PACSIN2: variants seen among roughly 807,000 people sequenced by gnomAD.
The protein encoded by PACSIN2 is protein kinase C and casein kinase substrate in neurons protein 2.
PACSIN2 carries 25 observed loss-of-function variants against 63.8 expected under a neutral mutation model. That is an observed-to-expected ratio of 0.39 (90% CI 0.29 to 0.55). PACSIN2 has a LOEUF of 0.55. Ranked by LOEUF, PACSIN2 falls within the 20% of genes least tolerant of loss-of-function variation. PACSIN2 has a pLI of 0.62. For missense variants in PACSIN2, 518 were observed against 646.9 expected (o/e 0.80, Z 2.16); for synonymous variants, 255 against 256.2 (o/e 1.00, Z 0.05).
chr22:42,912,415 T>A (rs1931521855), intron 1 of PACSIN2, among the ~76,000 whole-genome samples: 1 of 152,194 alleles, frequency 6.6e-6, no homozygotes, highest in African/African-American at 2.4e-5. Flanking sequence ...ATCTCTGGGC[T>A]TGCCCATCCC....
At chr22:42,892,957 T>G (rs560660118) in intron 3 of PACSIN2, among the ~76,000 whole-genome samples, 1 of 152,342 alleles carries the variant, frequency 6.6e-6, no homozygotes, top group South Asian at 2.1e-4. Context: ...CTACAGAATC[T>G]TCTGAGCTTT....
chr22:43,000,910 A>G (rs914299164), intron 1 of PACSIN2, among the ~76,000 whole-genome samples: 5 of 152,182 alleles, frequency 3.3e-5, no homozygotes, highest in African/African-American at 1.2e-4. Flanking sequence ...CCTCTGGAGT[A>G]CTGGAAGGCC....
intron 2 of PACSIN2, among the ~76,000 whole-genome samples, chr22:42,893,955 C>G (rs1300319117): frequency 1.3e-5 from 2 of 152,054 alleles, no homozygotes; most frequent in East Asian, 1.9e-4. Context: ...GACTGAGGGG[C>G]TGGGGCTGGC....
chr22:43,006,614 A>C (rs1356379620), intron 1 of PACSIN2, among the ~76,000 whole-genome samples: 1 of 152,208 alleles, frequency 6.6e-6, no homozygotes, highest in Non-Finnish European at 1.5e-5. Flanking sequence ...CAGGAGTTTG[A>C]GACCAGCCTG....
At chr22:42,943,109 T>C (rs932491396) in intron 1 of PACSIN2, among the ~76,000 whole-genome samples, 1 of 152,208 alleles carries the variant, frequency 6.6e-6, no homozygotes, top group African/African-American at 2.4e-5. Flanking sequence ...AGTCTTACAC[T>C]TCTCTTCATA....
chr22:43,009,930 C>T (rs1924356548), intron 1 of PACSIN2, among the ~76,000 whole-genome samples: 1 of 142,624 alleles, frequency 7.0e-6, no homozygotes, highest in Non-Finnish European at 1.5e-5. Context: ...AGTGCAGTGG[C>T]ACAATCTCGG....
intron 1 of PACSIN2, among the ~76,000 whole-genome samples, chr22:42,916,293 G>C (rs1466518862): frequency 1.3e-5 from 2 of 152,018 alleles, no homozygotes; most frequent in Admixed American, 1.3e-4. Flanking sequence ...CAGGTAAAGG[G>C]GAGGACCTGG....
intron 1 of PACSIN2, among the ~76,000 whole-genome samples, chr22:42,997,770 G>A (rs540333522): frequency 4.8e-4 from 73 of 151,702 alleles, no homozygotes; most frequent in East Asian, 1.6e-3. Flanking sequence ...TACTTCACTC[G>A]GGAGGCAGAG....
At chr22:42,942,100 CTT>C (rs11404921) in intron 1 of PACSIN2, among the ~76,000 whole-genome samples, 10 of 132,152 alleles carry the variant, frequency 7.6e-5, no homozygotes, top group Admixed American at 7.6e-5. Context: ...TTTAAGAGTT[CTT>C]TTTTTTTTTT....
chr22:42,881,627 C>G (rs1349977015), intron 7 of PACSIN2, among the ~76,000 whole-genome samples: 1 of 152,196 alleles, frequency 6.6e-6, no homozygotes, highest in East Asian at 1.9e-4. Flanking sequence ...GATCCCCAGG[C>G]CCTTGCATTT....
At chr22:42,986,556 C>T (rs1021118953) in intron 1 of PACSIN2, among the ~76,000 whole-genome samples, 12 of 152,118 alleles carry the variant, frequency 7.9e-5, no homozygotes, top group African/African-American at 2.7e-4. Context: ...GGGCCCTGCA[C>T]GCTGCTGAGT....
At chr22:42,958,567 G>A (rs1043419230) in intron 1 of PACSIN2, among the ~76,000 whole-genome samples, 3 of 152,160 alleles carry the variant, frequency 2.0e-5, no homozygotes, top group African/African-American at 7.2e-5. Context: ...TGACAAGAAG[G>A]AAGGGATCTG....
chr22:43,014,360 ACACACCACCCCCCCC>A (rs1429327533), intron 1 of PACSIN2, among the ~76,000 whole-genome samples: 12 of 15,100 alleles, frequency 7.9e-4, no homozygotes, highest in African/African-American at 5.0e-3. Context: ...ACAGACACAC[ACACACCACCCCCCCC>A]CCCCCGGGAC....
Position 43,015,144 on chromosome 22 carries a change from G to T in PACSIN2, c.-201C>A, listed in dbSNP as rs1924810574. On this transcript the variant is annotated 5_prime_UTR_variant, in exon 1 of 11. Coordinates refer to ENST00000263246, the MANE Select transcript of PACSIN2 (RefSeq NM_001184970.3). ...CAGCCCTGCCCAGACCCCTGCGGCCGCTTCTGCCGCCAGCCGCGACCGCAC... is the reference window on the plus strand; with the variant it reads ...CAGCCCTGCCCAGACCCCTGCGGCCTCTTCTGCCGCCAGCCGCGACCGCAC... The T allele has an allele frequency of 6.6e-6, 1 of 152,322 alleles. No homozygotes were observed. Among genetic ancestry groups the T allele is most frequent in the Non-Finnish European group, 1.5e-5 (1 of 68,422 alleles). 9.4% of individuals were successfully genotyped at this position (152,322 alleles called of 1,614,324 possible). A position where few individuals can be genotyped will look rare whatever the true frequency, so the allele number is the denominator to read the frequency against.
chr22:42,979,303 C>G (rs1423651957), intron 1 of PACSIN2, among the ~76,000 whole-genome samples: 1 of 152,018 alleles, frequency 6.6e-6, no homozygotes, highest in African/African-American at 2.4e-5. Context: ...GCAGGTGGAT[C>G]ACCTAAGATC....
chr22:42,917,571 T>C (rs1000253937), intron 1 of PACSIN2, among the ~76,000 whole-genome samples: 2 of 151,984 alleles, frequency 1.3e-5, no homozygotes, highest in African/African-American at 4.8e-5. Context: ...GCTATTATTG[T>C]GCCACTGCAC....
intron 7 of PACSIN2, among the ~76,000 whole-genome samples, chr22:42,881,600 G>A (rs569585978): frequency 1.3e-5 from 2 of 152,302 alleles, no homozygotes; most frequent in South Asian, 2.1e-4. Context: ...CCAATCCAAG[G>A]GCTAGGTGAG....
At position 42,890,943 on chromosome 22, in the gene PACSIN2, G is replaced by A; in HGVS notation, c.453+4C>T. 2 of 1,612,200 alleles carry A rather than the reference G, an allele frequency of 1.2e-6. No homozygotes were observed. The highest frequency in any genetic ancestry group is 1.7e-6 in the Non-Finnish European group (2 of 1,178,360). On this transcript the variant is annotated splice_donor_region_variant and intron_variant, in intron 4 of 10. Coordinates refer to ENST00000263246, the MANE Select transcript of PACSIN2 (RefSeq NM_001184970.3). ...GGGCAGGGAAGCCTGCAGGACAGAT[G>A]TACCTCTTTCAGCTTCTTGGCCCAG...
chr22:42,942,252 T>C (rs532149817), intron 1 of PACSIN2, among the ~76,000 whole-genome samples: 153 of 152,262 alleles, frequency 1.0e-3, no homozygotes, highest in Non-Finnish European at 1.9e-3. Context: ...GAGTTCTTTA[T>C]GTATTCAAGG....
Sources: allele counts gnomAD v4.1 joint callset (sites outside exome capture counted in the v4.1 genomes callset), GRCh38; gene constraint gnomAD v4.1.1; transcripts MANE v1.5; gene names NCBI Gene and HGNC (gene_info 2026-07-23, HGNC 2026-07-21).